The following MINK1 variants were observed in gnomAD, a reference collection of about 807,000 sequenced individuals.
MINK1 encodes misshapen-like kinase 1.
Under a neutral mutation model 178.4 loss-of-function variants are expected in MINK1, and 46 were observed. That is an observed-to-expected ratio of 0.26 (90% CI 0.20 to 0.33). The LOEUF (loss-of-function observed/expected upper bound fraction) is 0.33, where lower values mean the gene tolerates loss of function less well. Among genes scored for constraint, MINK1 ranks in the 10% least tolerant of loss-of-function variants. The pLI is 1.00. For missense variants in MINK1, 1,366 were observed against 1,814.9 expected, an observed-to-expected ratio of 0.75 and a Z score of 4.49; for synonymous variants, 797 against 709.7, an observed-to-expected ratio of 1.12 and a Z score of -1.96.
At chr17:4,891,200 GCA>G (rs3081308) in intron 15 of MINK1, 76 bp downstream of exon 15, 11,108 of 975,552 alleles carry the variant, frequency 0.011, 48 homozygotes, top group African/African-American at 0.056. Context: ...ACACACGCGC[GCA>G]CACACACACA....
chr17:4,844,121 C>T (rs1387129780), intron 1 of MINK1, among the ~76,000 whole-genome samples: 3 of 152,120 alleles, frequency 2.0e-5, no homozygotes, highest in African/African-American at 7.2e-5. Context: ...CTGTCTCAGC[C>T]TCCCGAGTAG....
rs1969281146 is a variant in MINK1, at chr17:4,894,851, G to A, written c.2917+218G>A. 2.0e-5 allele frequency: 13 copies of A among 650,636 alleles called. No individual in the cohort carries two copies. Among genetic ancestry groups the A allele is most frequent in the South Asian group, 1.8e-4 (9 of 51,286 alleles). 40.3% of individuals were successfully genotyped at this position (650,636 alleles called of 1,614,324 possible). A position where few individuals can be genotyped will look rare whatever the true frequency, so the allele number is the denominator to read the frequency against. On this transcript the variant is annotated intron_variant, in intron 24 of 31. Coordinates refer to ENST00000355280, the MANE Select transcript of MINK1 (RefSeq NM_153827.5). This position sits in a 1 kb window ranked among gnomAD's most constrained non-coding sequence, Gnocchi z 4.1. ...TGCTCAGAGTTGCCAGGGGACCTGG[G>A]CAAAGACTCAAAGCTAACAAGTGAC...
chr17:4,883,478 A>G (rs1446003567), intron 4 of MINK1, among the ~76,000 whole-genome samples: 1 of 151,792 alleles, frequency 6.6e-6, no homozygotes, highest in Non-Finnish European at 1.5e-5. Flanking sequence ...TGCTAGGATT[A>G]CAGGCATGAG....
At chr17:4,878,482 T>C (rs1967397258) in intron 2 of MINK1, 100 bp downstream of exon 2, 2 of 1,085,830 alleles carry the variant, frequency 1.8e-6, no homozygotes, top group Non-Finnish European at 2.7e-6. Context: ...TGAAGGGGGC[T>C]ATGGGAGATG....
intron 1 of MINK1, chr17:4,871,212 G>A (rs1915823269): frequency 5.6e-6 from 1 of 177,612 alleles, no homozygotes; most frequent in South Asian, 6.4e-5. Flanking sequence ...TTAGAGGCAG[G>A]GTCTCACTCA....
In MINK1 at chr17:4,892,740, T is replaced by C; in HGVS notation, c.2283T>C (p.Ala761=). 6.2e-7 allele frequency: 1 copy of C among 1,611,616 alleles called. No individual in the cohort carries two copies. The highest frequency in any genetic ancestry group is 1.3e-5 in the African/African-American group (1 of 75,052). The change falls in exon 19 of 32, where the codon GCT becomes GCC. Residue 761 remains alanine, a synonymous_variant. Transcript: ENST00000355280. ...CCTCTCACGGGCACCTCCCCCAGGC[T>C]GGCTCACTGGAGCGGAACCGCGTGG... is the stretch of plus-strand genomic sequence containing the variant. The part of the protein sequence containing the change: ...LPASHGHLPQ[A]GSLERNRVGV...
At position 4,892,650 on chromosome 17, in the gene MINK1, C is replaced by A. The variant is rs377534728; in HGVS notation, c.2199-6C>A. On this transcript the variant is annotated splice_region_variant and splice_polypyrimidine_tract_variant and intron_variant, in intron 18 of 31. Transcript: ENST00000355280. ...CTCCCTGACCCTGACTCTGCCCCCCCAACAGTAACCCCGACCTCAGGAGGA... is the reference window on the plus strand; with the variant it reads ...CTCCCTGACCCTGACTCTGCCCCCCAAACAGTAACCCCGACCTCAGGAGGA... The A allele has an allele frequency of 6.3e-6, 10 of 1,596,418 alleles. No individual in the cohort carries two copies. The highest frequency in any genetic ancestry group is 6.8e-6 in the Non-Finnish European group (8 of 1,170,092).
chr17:4,853,076 A>G (rs188308205), intron 1 of MINK1, among the ~76,000 whole-genome samples: 2 of 1,198 alleles, frequency 1.7e-3, no homozygotes, highest in Admixed American at 0.012. Context: ...AGTGTGGTTG[A>G]TGGGGGGAGT....
rs185805024 is a variant in MINK1 at position 4,881,503 on chromosome 17, C to T, written c.306+246C>T. On this transcript the variant is annotated intron_variant, in intron 4 of 31. Transcript: ENST00000355280. Reference sequence around the variant, plus strand: ...GTGGGGAGGGGTCCTGGCGTTTGCCCCAACCCTTCCCCTAACCAGTGTCTC... The same window carrying T: ...GTGGGGAGGGGTCCTGGCGTTTGCCTCAACCCTTCCCCTAACCAGTGTCTC... 1.1e-4 allele frequency among the ~76,000 whole-genome samples: 17 copies of T among 152,302 alleles called. No individual in the cohort carries two copies. The East Asian group carries it at 2.5e-3, about 23-fold the overall frequency.
chr17:4,897,340 C>T lies in MINK1; in HGVS notation c.*53C>T, dbSNP rs1298017770. 3.2e-6 allele frequency: 5 copies of T among 1,554,732 alleles called. No individual in the cohort carries two copies. Among genetic ancestry groups the T allele is most frequent in the South Asian group, 2.3e-5 (2 of 88,732 alleles). Reference sequence around the variant, plus strand: ...ACTGGACCCAGCTCTCCCCCTGCAGCCAGGCTTCCCGGGCCGCCCCTCTTT... The same window carrying T: ...ACTGGACCCAGCTCTCCCCCTGCAGTCAGGCTTCCCGGGCCGCCCCTCTTT... On this transcript the variant is annotated 3_prime_UTR_variant, in exon 32 of 32. Coordinates refer to ENST00000355280, the MANE Select transcript of MINK1 (RefSeq NM_153827.5).
At chr17:4,868,852 C>A in intron 1 of MINK1, 2 of 339,212 alleles carry the variant, frequency 5.9e-6, no homozygotes, top group Non-Finnish European at 1.2e-5. Flanking sequence ...CAGGCTCAAG[C>A]AGTCCTCCCA....
At chr17:4,891,343 G>T in intron 15 of MINK1, 113 bp from the exon 16 acceptor site, 8 of 1,386,376 alleles carry the variant, frequency 5.8e-6, no homozygotes, top group Non-Finnish European at 7.7e-6. Context: ...GGAACCCCTT[G>T]TCCTTCAATG....
intron 1 of MINK1, among the ~76,000 whole-genome samples, chr17:4,863,324 C>T (rs1914469913): frequency 6.6e-6 from 1 of 152,214 alleles, no homozygotes; most frequent in Non-Finnish European, 1.5e-5. Flanking sequence ...ATGGCCTCTG[C>T]TTTCCTTTAC....
chr17:4,854,614 C>G (rs1339354617), intron 1 of MINK1, among the ~76,000 whole-genome samples: 1 of 152,192 alleles, frequency 6.6e-6, no homozygotes, highest in Admixed American at 6.5e-5. Context: ...CATAGAGATC[C>G]ATGAGTGATT....
In MINK1 at chr17:4,896,870, CCCTGGGCA is replaced by C; in HGVS notation, c.3915+58_3915+65del. The C allele has an allele frequency of 6.6e-7, 1 of 1,511,264 alleles. No homozygotes were observed. The highest frequency in any genetic ancestry group is 8.8e-7 in the Non-Finnish European group (1 of 1,132,460). 93.6% of individuals were successfully genotyped at this position (1,511,264 alleles called of 1,614,324 possible). ...TGTCCCGGCTGCCATGACCCTAGGC[CCCTGGGCA>C]GAGTTCTGGGGAGAGGATGGTGGTG... On this transcript the variant is annotated intron_variant, in intron 31 of 31. Transcript: ENST00000355280. This position sits in a 1 kb window ranked among gnomAD's most constrained non-coding sequence, Gnocchi z 4.6.
chr17:4,847,911 G>A (rs144557182), intron 1 of MINK1, among the ~76,000 whole-genome samples: 18 of 152,298 alleles, frequency 1.2e-4, no homozygotes, highest in African/African-American at 3.9e-4. Flanking sequence ...GCCCAGTACA[G>A]TGGCTCATGC....
intron 16 of MINK1, 41 bp downstream of exon 16, chr17:4,891,757 A>G: frequency 6.4e-7 from 1 of 1,558,672 alleles, no homozygotes; most frequent in East Asian, 2.3e-5. Flanking sequence ...GCAGAGAGCT[A>G]GTCATGAAGA....
At chr17:4,849,538 T>C (rs1039610611) in intron 1 of MINK1, among the ~76,000 whole-genome samples, 41 of 152,202 alleles carry the variant, frequency 2.7e-4, no homozygotes, top group Admixed American at 2.4e-3. Context: ...GCTCCTCCCT[T>C]GGCTAACTCT....
chr17:4,849,972 T>A (rs1014471240), intron 1 of MINK1, among the ~76,000 whole-genome samples: 3 of 152,078 alleles, frequency 2.0e-5, no homozygotes, highest in African/African-American at 7.2e-5. Context: ...TTTGAGACAC[T>A]GTCTCCCTCT....
Sources: gnomAD v4.1 joint callset for allele counts (sites outside exome capture counted in the v4.1 genomes callset) on GRCh38, gnomAD v4.1.1 for gene constraint, Gnocchi (gnomAD v3.1) non-coding constraint, MANE v1.5 for transcripts, NCBI Gene and HGNC (gene_info 2026-07-23, HGNC 2026-07-21) for gene names.